The following FANCD2 variants were observed in gnomAD, a reference collection of about 807,000 sequenced individuals.
FANCD2 encodes FA complementation group D2, also known as Fanconi anemia group D2 protein.
In FANCD2, 131 loss-of-function variants were observed where a neutral mutation model predicts 192.3. The observed-to-expected ratio is 0.68, with a 90% CI of 0.59 to 0.79. The LOEUF is 0.79. Ranked by LOEUF, FANCD2 falls within the 30% of genes least tolerant of loss-of-function variation. FANCD2 has a pLI of 0.00. For missense variants in FANCD2, 1,508 were observed against 1,701.6 expected, an observed-to-expected ratio of 0.89 and a Z score of 2.00; for synonymous variants, 524 against 612.5, an observed-to-expected ratio of 0.86 and a Z score of 2.13.
chr3:10,061,354 C>G (rs534282043), intron 19 of FANCD2, among the ~76,000 whole-genome samples: 1 of 152,318 alleles, frequency 6.6e-6, no homozygotes, highest in East Asian at 1.9e-4. Context: ...CCGCCACCGG[C>G]TCAGATAGTC....
At chr3:10,041,836 A>G (rs962402591) in intron 10 of FANCD2, 126 bp downstream of exon 10, 3 of 670,398 alleles carry the variant, frequency 4.5e-6, no homozygotes, top group Non-Finnish European at 8.0e-6. Context: ...CACATTTGAT[A>G]TCTCTCTTTT....
At position 10,090,405 on chromosome 3, in the gene FANCD2, C is replaced by T; in HGVS notation, c.3777+20C>T. The T allele has an allele frequency of 7.5e-7, 1 of 1,331,604 alleles. No individual in the cohort carries two copies. The highest frequency in any genetic ancestry group is 1.1e-6 in the Non-Finnish European group (1 of 938,678). 82.5% of individuals were successfully genotyped at this position (1,331,604 alleles called of 1,614,324 possible). A position where few individuals can be genotyped will look rare whatever the true frequency, so the allele number is the denominator to read the frequency against. ...CAGCAGGTGAGTAAGATAATAGTCA[C>T]TTCAAGAAGTGGACTTTGGATTACT... On this transcript the variant is annotated intron_variant, in intron 37 of 43. Transcript: ENST00000675286.
At chr3:10,084,944 C>G (rs1694089620) in intron 32 of FANCD2, among the ~76,000 whole-genome samples, 1 of 139,804 alleles carries the variant, frequency 7.2e-6, no homozygotes, top group Admixed American at 7.1e-5. Context: ...AAAGAACACT[C>G]AAAAGGTGTC....
intron 18 of FANCD2, among the ~76,000 whole-genome samples, chr3:10,056,947 C>T (rs181270913): frequency 1.3e-3 from 199 of 151,996 alleles, no homozygotes; most frequent in Non-Finnish European, 2.3e-3. Flanking sequence ...CTCCACCTCC[C>T]AGGCTCAAGC....
chr3:10,060,456 C>G (rs1316802115), intron 19 of FANCD2, 53 bp downstream of exon 19: 5 of 1,289,694 alleles, frequency 3.9e-6, no homozygotes, highest in South Asian at 1.2e-5. Context: ...ATCTTGCTAA[C>G]TAAGTGTTAC....
intron 18 of FANCD2, 23 bp from the exon 19 acceptor site, chr3:10,060,271 C>T: frequency 6.4e-7 from 1 of 1,551,002 alleles, no homozygotes; most frequent in Non-Finnish European, 8.9e-7. Context: ...GCATTTTCAT[C>T]TTTCTTCATC....
At chr3:10,031,241 C>G (rs181800267) in intron 2 of FANCD2, among the ~76,000 whole-genome samples, 31 of 152,088 alleles carry the variant, frequency 2.0e-4, no homozygotes, top group Non-Finnish European at 3.5e-4. Context: ...CGGTGGCTCA[C>G]GCCTGTAATC....
intron 3 of FANCD2, 84 bp from the exon 4 acceptor site, chr3:10,034,384 GT>G (rs1263633670): frequency 8.6e-6 from 7 of 813,560 alleles, no homozygotes; most frequent in Non-Finnish European, 1.1e-5. Context: ...ATTTTTATTG[GT>G]TTCATCAGGC....
intron 18 of FANCD2, among the ~76,000 whole-genome samples, chr3:10,055,104 G>T (rs2087370508): frequency 6.6e-6 from 1 of 152,022 alleles, no homozygotes; most frequent in Non-Finnish European, 1.5e-5. Flanking sequence ...TTTGGAGATT[G>T]CTTCAAATCA....
At chr3:10,067,088 A>G (rs796822389) in intron 25 of FANCD2, 121 bp from the exon 26 acceptor site, 8 of 732,496 alleles carry the variant, frequency 1.1e-5, no homozygotes, top group Admixed American at 2.0e-5. Context: ...GGACAGTTCT[A>G]TTACAGACTA....
At chr3:10,066,904 T>C (rs2087735709) in intron 25 of FANCD2, among the ~76,000 whole-genome samples, 1 of 152,138 alleles carries the variant, frequency 6.6e-6, no homozygotes, top group African/African-American at 2.4e-5. Flanking sequence ...TTTGTATTTT[T>C]GGTAGACATG....
intron 32 of FANCD2, among the ~76,000 whole-genome samples, chr3:10,082,898 A>G (rs536983718): frequency 3.9e-5 from 6 of 151,984 alleles, no homozygotes; most frequent in African/African-American, 1.4e-4. Flanking sequence ...AAAACTTTGA[A>G]CAATTTATCA....
At position 10,081,654 on chromosome 3, in the gene FANCD2, C is replaced by T. The variant is rs181014732; in HGVS notation, c.3224+190C>T. On this transcript the variant is annotated intron_variant, in intron 32 of 43. Coordinates refer to ENST00000675286, the MANE Select transcript of FANCD2 (RefSeq NM_001018115.3). The stretch of plus-strand genomic sequence containing the variant: ...CTTGTACCCTCTGAGTCCTTTGGAG[C>T]CACTATGTTAACCCATTTGACAGAT... 17 of 633,396 alleles carry T rather than the reference C, an allele frequency of 2.7e-5. No individual in the cohort carries two copies. In the East Asian group the frequency reaches 4.5e-4, roughly 17 times the overall value. 39.2% of individuals were successfully genotyped at this position (633,396 alleles called of 1,614,324 possible).
At chr3:10,099,103 C>G (rs2125101765) in intron 43 of FANCD2, 1 of 1,518,770 alleles carries the variant, frequency 6.6e-7, no homozygotes, top group East Asian at 2.4e-5. Flanking sequence ...ATATCTGAAA[C>G]CATTTTAGAA....
chr3:10,095,379 CTG>C, intron 41 of FANCD2, 105 bp downstream of exon 41: 1 of 935,224 alleles, frequency 1.1e-6, no homozygotes, highest in Non-Finnish European at 1.7e-6. Context: ...ATATCTGGGA[CTG>C]TGTCTGTCCA....
intron 18 of FANCD2, among the ~76,000 whole-genome samples, chr3:10,056,875 G>T (rs1226474467): frequency 1.3e-5 from 2 of 152,040 alleles, no homozygotes; most frequent in African/African-American, 4.8e-5. Context: ...TTGTTTTTGA[G>T]ATGGGGTCTC....
intron 3 of FANCD2, among the ~76,000 whole-genome samples, chr3:10,033,216 G>A (rs570980736): frequency 7.2e-5 from 11 of 152,152 alleles, no homozygotes; most frequent in East Asian, 1.9e-4. Flanking sequence ...ATTTGCGACC[G>A]GCCTGGGCAA....
chr3:10,059,464 C>T (rs957127375), intron 18 of FANCD2, among the ~76,000 whole-genome samples: 94 of 152,110 alleles, frequency 6.2e-4, no homozygotes, highest in African/African-American at 2.2e-3. Context: ...GTGCTAGGCA[C>T]TGTTCTAGAA....
chr3:10,047,873 G>C, intron 15 of FANCD2, 44 bp from the exon 16 acceptor site: 1 of 1,596,858 alleles, frequency 6.3e-7, no homozygotes, highest in Non-Finnish European at 8.6e-7. Context: ...TGTACTAACT[G>C]TTTCCTACAG....
Sources: gnomAD v4.1 joint callset for allele counts (sites outside exome capture counted in the v4.1 genomes callset) on GRCh38, gnomAD v4.1.1 for gene constraint, MANE v1.5 for transcripts, NCBI Gene and HGNC (gene_info 2026-07-23, HGNC 2026-07-21) for gene names.